Variants in PDGFD observed in about 807,000 individuals in gnomAD.
PDGFD encodes the protein platelet derived growth factor D.
A neutral mutation model predicts 44.7 loss-of-function variants in PDGFD; 30 were observed. The observed-to-expected ratio is 0.67, with a 90% CI of 0.50 to 0.91. The LOEUF is 0.91. Ranked by LOEUF, PDGFD falls within the 40% of genes least tolerant of loss-of-function variation. PDGFD has a pLI of 0.00. For missense variants in PDGFD, 445 were observed against 457.8 expected, an observed-to-expected ratio of 0.97 and a Z score of 0.25; for synonymous variants, 173 against 168.4, an observed-to-expected ratio of 1.03 and a Z score of -0.21.
intron 1 of PDGFD, among the ~76,000 whole-genome samples, chr11:104,096,541 A>C (rs1259269688): frequency 6.6e-6 from 1 of 152,184 alleles, no homozygotes; most frequent in Non-Finnish European, 1.5e-5. Flanking sequence ...TTCACTAAAC[A>C]CAAGGCACTC....
intron 1 of PDGFD, among the ~76,000 whole-genome samples, chr11:104,063,893 C>T (rs1860749518): frequency 6.6e-6 from 1 of 152,082 alleles, no homozygotes; most frequent in South Asian, 2.1e-4. Flanking sequence ...CAGAGCCAAA[C>T]CATATCAGCA....
rs980863904 is a variant in PDGFD, at chr11:103,979,532, C to G, written c.510+16533G>C. On this transcript the variant is annotated intron_variant, in intron 3 of 6. Transcript: ENST00000393158. ...TGTATCCCTAGGTCTTTCGTTGGGA[C>G]CTGCCATGGCGATTGAGAGGCAAAG... Among the ~76,000 whole-genome samples the G allele has an allele frequency of 2.6e-4, 40 of 152,056 alleles. 1 individual carries two copies. Among genetic ancestry groups the G allele is most frequent in the Non-Finnish European group, 5.9e-5 (4 of 67,988 alleles).
chr11:103,926,590 CT>C (rs1336566412), intron 6 of PDGFD, among the ~76,000 whole-genome samples: 4 of 152,124 alleles, frequency 2.6e-5, no homozygotes, highest in African/African-American at 9.7e-5. Context: ...TCATATTTCT[CT>C]TTTTTTCTGT....
chr11:104,002,394 C>A lies in PDGFD; in HGVS notation c.125-2139G>T, dbSNP rs536531800. On this transcript the variant is annotated intron_variant, in intron 1 of 6. Transcript: ENST00000393158. ...GATAATGAGTGAGTTCTCATGAAAT[C>A]TGATGGCTTAAAAGTGTGGCGGTCC... Among the ~76,000 whole-genome samples the A allele has an allele frequency of 1.6e-3, 242 of 152,214 alleles. 2 individuals are homozygous for A. Among genetic ancestry groups the A allele is most frequent in the African/African-American group, 5.7e-3 (236 of 41,526 alleles).
intron 3 of PDGFD, among the ~76,000 whole-genome samples, chr11:103,961,324 A>G (rs1858932284): frequency 6.6e-6 from 1 of 152,188 alleles, no homozygotes; most frequent in Non-Finnish European, 1.5e-5. Flanking sequence ...GAATAATCCA[A>G]TCTATAGAAA....
intron 3 of PDGFD, among the ~76,000 whole-genome samples, chr11:103,988,650 T>C (rs1266969186): frequency 6.6e-6 from 1 of 152,126 alleles, no homozygotes; most frequent in African/African-American, 2.4e-5. Context: ...TTCGGATATA[T>C]TTACTTTTCT....
intron 1 of PDGFD, among the ~76,000 whole-genome samples, chr11:104,003,314 T>C (rs969361915): frequency 2.0e-5 from 3 of 152,164 alleles, no homozygotes; most frequent in African/African-American, 7.2e-5. Context: ...ATGGAAATAT[T>C]TGAAAGCCAG....
chr11:104,090,986 GC>G (rs1010252891), intron 1 of PDGFD, among the ~76,000 whole-genome samples: 1 of 151,908 alleles, frequency 6.6e-6, no homozygotes, highest in Non-Finnish European at 1.5e-5. Context: ...TTTCTCAAAA[GC>G]CCCCCCATGC....
intron 1 of PDGFD, among the ~76,000 whole-genome samples, chr11:104,035,437 C>G (rs987364557): frequency 1.1e-4 from 16 of 152,188 alleles, no homozygotes; most frequent in African/African-American, 3.9e-4. Flanking sequence ...CCTGACTGGC[C>G]CTCCTGCCAC....
rs1443620316 is a variant in PDGFD, at chr11:104,164,091, AC to A, written c.-165del. 3.0e-6 allele frequency: 2 copies of A among 661,006 alleles called. No individual in the cohort carries two copies. Among genetic ancestry groups the A allele is most frequent in the African/African-American group, 3.7e-5 (2 of 54,678 alleles). 40.9% of individuals were successfully genotyped at this position (661,006 alleles called of 1,614,324 possible). ...TCTCCCCAAACTTCCTGCATGCTGA[AC>A]TTTCCGAGCGCGTGTGGGTGCCGCA... On this transcript the variant is annotated 5_prime_UTR_variant, in exon 1 of 7. Coordinates refer to ENST00000393158, the MANE Select transcript of PDGFD (RefSeq NM_025208.5).
intron 1 of PDGFD, among the ~76,000 whole-genome samples, chr11:104,159,528 A>C (rs1302397341): frequency 6.6e-6 from 1 of 152,252 alleles, no homozygotes; most frequent in Non-Finnish European, 1.5e-5. Flanking sequence ...TCAGCTCTTA[A>C]GGACAGAGAC....
rs374419014 is a variant in PDGFD at position 103,909,657 on chromosome 11, G to T, written c.*37C>A. On this transcript the variant is annotated 3_prime_UTR_variant, in exon 7 of 7. Coordinates refer to ENST00000393158, the MANE Select transcript of PDGFD (RefSeq NM_025208.5). ...TTATCTCACCCTCCTTAAACTAAAG[G>T]TTCTTTCAGGCTTAATGTAAGGATG... 3.7e-6 allele frequency: 6 copies of T among 1,611,834 alleles called. No homozygotes were observed. The highest frequency in any genetic ancestry group is 3.3e-5 in the South Asian group (3 of 90,988).
chr11:103,917,167 A>G (rs963167650), intron 6 of PDGFD, among the ~76,000 whole-genome samples: 3 of 152,050 alleles, frequency 2.0e-5, no homozygotes, highest in African/African-American at 4.8e-5. Flanking sequence ...GTTTTTATAT[A>G]TTTGTTAACA....
At chr11:103,954,112 T>C (rs959816864) in intron 3 of PDGFD, among the ~76,000 whole-genome samples, 4 of 152,182 alleles carry the variant, frequency 2.6e-5, no homozygotes, top group African/African-American at 9.6e-5. Flanking sequence ...AAGATATGAG[T>C]GGGAATTTCC....
intron 1 of PDGFD, among the ~76,000 whole-genome samples, chr11:104,110,336 T>A (rs942303658): frequency 6.7e-5 from 10 of 149,508 alleles, no homozygotes; most frequent in South Asian, 2.1e-4. Context: ...AATTGAGATT[T>A]AAAAAAAAAA....
chr11:103,998,369 T>C (rs1269213411), intron 2 of PDGFD, among the ~76,000 whole-genome samples: 1 of 152,132 alleles, frequency 6.6e-6, no homozygotes, highest in Non-Finnish European at 1.5e-5. Flanking sequence ...CCCCTAGACC[T>C]CTGGGGAGGG....
chr11:103,968,066 G>A (rs1337296554), intron 3 of PDGFD, among the ~76,000 whole-genome samples: 3 of 152,126 alleles, frequency 2.0e-5, no homozygotes, highest in African/African-American at 4.8e-5. Flanking sequence ...TTTACGTGAC[G>A]TCTTTCTTGC....
At chr11:103,956,690 T>G (rs562419657) in intron 3 of PDGFD, among the ~76,000 whole-genome samples, 53 of 152,074 alleles carry the variant, frequency 3.5e-4, no homozygotes, top group African/African-American at 1.3e-3. Flanking sequence ...AGTGTAAAAG[T>G]ATTCCTATTT....
intron 3 of PDGFD, among the ~76,000 whole-genome samples, chr11:103,970,813 T>C (rs1859092599): frequency 6.6e-6 from 1 of 152,058 alleles, no homozygotes; most frequent in Non-Finnish European, 1.5e-5. Flanking sequence ...GGGCATGAAA[T>C]TGAATAAGAG....
Sources: allele counts gnomAD v4.1 joint callset (sites outside exome capture counted in the v4.1 genomes callset), GRCh38; gene constraint gnomAD v4.1.1; transcripts MANE v1.5; gene names NCBI Gene and HGNC (gene_info 2026-07-23, HGNC 2026-07-21).